Variants in TTL observed in about 807,000 individuals in gnomAD.
TTL encodes tubulin tyrosine ligase.
Under a neutral mutation model 41.1 loss-of-function variants are expected in TTL, and 10 were observed. That is an observed-to-expected ratio of 0.24 (90% CI 0.15 to 0.41). TTL has a LOEUF of 0.41. TTL is among the 10% of genes least tolerant of loss of function. The pLI is 1.00. For missense variants in TTL, 367 were observed against 460.4 expected (o/e 0.80, Z 1.86); for synonymous variants, 175 against 175.5 (o/e 1.00, Z 0.02).
At chr2:112,502,585 C>T (rs1241669598) in intron 4 of TTL, among the ~76,000 whole-genome samples, 6 of 149,120 alleles carry the variant, frequency 4.0e-5, no homozygotes, top group Non-Finnish European at 5.9e-5. Context: ...TGCAGTGAGC[C>T]GAGATCACAC....
In TTL at chr2:112,538,514, C is replaced by G. The variant is rs1682640240; in HGVS notation, c.*9719C>G. The G allele has an allele frequency of 6.6e-6, 1 of 152,218 alleles. No individual in the cohort carries two copies. The highest frequency in any genetic ancestry group is 2.1e-4 in the South Asian group (1 of 4,830). 9.4% of individuals were successfully genotyped at this position (152,218 alleles called of 1,614,324 possible). ...AAGCTAGGCTGAGCACGGTGGCTCACTCCTATAATCTCAGCACTTTTAGGA... is the reference window on the plus strand; with the variant it reads ...AAGCTAGGCTGAGCACGGTGGCTCAGTCCTATAATCTCAGCACTTTTAGGA... On this transcript the variant is annotated 3_prime_UTR_variant, in exon 7 of 7. Coordinates refer to ENST00000233336, the MANE Select transcript of TTL (RefSeq NM_153712.5).
chr2:112,527,628 T>C (rs1177837009), intron 6 of TTL, among the ~76,000 whole-genome samples: 1 of 152,236 alleles, frequency 6.6e-6, no homozygotes, highest in East Asian at 1.9e-4. Flanking sequence ...GAGACTAGGA[T>C]TGCAACCCCT....
chr2:112,493,355 T>TAAA (rs75154140), intron 2 of TTL, among the ~76,000 whole-genome samples: 1 of 143,100 alleles, frequency 7.0e-6, no homozygotes. Context: ...CTTGAGCTGT[T>TAAA]AAAAAAAAAA....
At chr2:112,487,603 A>G (rs1681274285) in intron 2 of TTL, among the ~76,000 whole-genome samples, 1 of 152,212 alleles carries the variant, frequency 6.6e-6, no homozygotes, top group African/African-American at 2.4e-5. Context: ...TGTGATAAAT[A>G]TCTGTGACCT....
intron 5 of TTL, among the ~76,000 whole-genome samples, chr2:112,514,734 C>T (rs563417106): frequency 2.6e-5 from 4 of 152,200 alleles, no homozygotes; most frequent in East Asian, 1.9e-4. Flanking sequence ...CTTCTTGCAC[C>T]GTGGCTTGAT....
chr2:112,517,156 CAAAAAAAAAA>C (rs33990458), intron 5 of TTL, among the ~76,000 whole-genome samples: 1 of 105,606 alleles, frequency 9.5e-6, no homozygotes, highest in Non-Finnish European at 2.0e-5. Flanking sequence ...GAGCTTTCAG[CAAAAAAAAAA>C]AAAAAAAAAA....
chr2:112,521,120 G>T (rs944644227), intron 6 of TTL: 7 of 956,086 alleles, frequency 7.3e-6, no homozygotes, highest in Non-Finnish European at 8.7e-6. Flanking sequence ...TGGAGCTGGG[G>T]TGCAAGAAAA....
rs1681122057 is a variant in TTL, at chr2:112,482,597, T to C, written c.157+96T>C. 1.5e-6 allele frequency: 2 copies of C among 1,347,386 alleles called. No homozygotes were observed. The highest frequency in any genetic ancestry group is 2.0e-6 in the Non-Finnish European group (2 of 1,014,128). The allele number at this position is 1,347,386 out of a possible 1,614,324, so 83.5% of individuals were successfully genotyped here. A position where few individuals can be genotyped will look rare whatever the true frequency, so the allele number is the denominator to read the frequency against. On this transcript the variant is annotated intron_variant, in intron 1 of 6. Transcript: ENST00000233336. This position sits in a 1 kb window ranked among gnomAD's most constrained non-coding sequence, Gnocchi z 5.3. ...CCGGCGCTTTTGTTTTTAAAGGTCA[T>C]ACATTTTCTCCTCTGTCGCTTGTCG...
rs1033155186 is a variant in TTL at position 112,523,334 on chromosome 2, G to A, written c.1019+2909G>A. Among the ~76,000 whole-genome samples, 4 of 97,562 alleles carry A rather than the reference G, an allele frequency of 4.1e-5. No homozygotes were observed. The East Asian group carries it at 9.6e-4, about 23-fold the overall frequency. 64.0% of individuals were successfully genotyped at this position (97,562 alleles called of 152,430 possible). On this transcript the variant is annotated intron_variant, in intron 6 of 6. Coordinates refer to ENST00000233336, the MANE Select transcript of TTL (RefSeq NM_153712.5). The stretch of plus-strand genomic sequence containing the variant: ...ATTAACTCATCAGAAGAAACTGTCT[G>A]TGGGTGTGTGTGTGTCTGTGTGTGT...
intron 2 of TTL, among the ~76,000 whole-genome samples, chr2:112,492,069 A>G (rs905161217): frequency 1.3e-5 from 2 of 152,196 alleles, no homozygotes; most frequent in African/African-American, 4.8e-5. Context: ...CATAGTAAAC[A>G]TATCATAATG....
At chr2:112,514,995 T>C (rs1682026515) in intron 5 of TTL, among the ~76,000 whole-genome samples, 1 of 152,248 alleles carries the variant, frequency 6.6e-6, no homozygotes, top group African/African-American at 2.4e-5. Context: ...GGTAAAAGCT[T>C]TTAAAAGCTG....
At chr2:112,510,373 C>T (rs1681890770) in intron 5 of TTL, among the ~76,000 whole-genome samples, 1 of 152,212 alleles carries the variant, frequency 6.6e-6, no homozygotes, top group African/African-American at 2.4e-5. Flanking sequence ...AAGCAGCCCT[C>T]CCATCTTGAT....
At chr2:112,519,315 C>T (rs1273286097) in intron 5 of TTL, among the ~76,000 whole-genome samples, 1 of 152,140 alleles carries the variant, frequency 6.6e-6, no homozygotes, top group Non-Finnish European at 1.5e-5. Context: ...ACTGAACAAT[C>T]ACTTGTTCAA....
rs375794092 is a variant in TTL at position 112,482,419 on chromosome 2, C to T, written c.75C>T (p.Gly25=). 1.2e-5 allele frequency: 20 copies of T among 1,609,588 alleles called. No individual in the cohort carries two copies. In the African/African-American group the frequency reaches 2.7e-4, roughly 22 times the overall value. Residue 25 remains glycine, a synonymous_variant, in exon 1 of 7, where the codon GGC becomes GGT. Transcript: ENST00000233336. The surrounding 1 kb of genome is among the most constrained non-coding windows in gnomAD (Gnocchi z 5.3). ...TCTCCCGGCTGCTCCTCGCCACCGG[C>T]CACTGGAAGAGGCTGCGGCGAGACA... The part of the protein sequence containing the change: ...AEVSRLLLAT[G]HWKRLRRDNP...
At chr2:112,526,442 T>C (rs1449512036) in intron 6 of TTL, among the ~76,000 whole-genome samples, 1 of 152,218 alleles carries the variant, frequency 6.6e-6, no homozygotes, top group Non-Finnish European at 1.5e-5. Context: ...TGGTAGGCTA[T>C]TAATTATTGC....
At chr2:112,520,186 G>T (rs1305230193) in intron 5 of TTL, 96 bp from the exon 6 acceptor site, 113 of 1,052,172 alleles carry the variant, frequency 1.1e-4, no homozygotes, top group Middle Eastern at 2.2e-4. Flanking sequence ...GCTGATATTT[G>T]TATTCATCTC....
At chr2:112,503,639 G>A (rs1337303361) in intron 5 of TTL, among the ~76,000 whole-genome samples, 3 of 143,086 alleles carry the variant, frequency 2.1e-5, no homozygotes, top group African/African-American at 7.7e-5. Context: ...CTCCATGTTG[G>A]TCAGTCTGGT....
chr2:112,497,704 G>T (rs1161622255), intron 3 of TTL, among the ~76,000 whole-genome samples: 2 of 151,782 alleles, frequency 1.3e-5, no homozygotes, highest in African/African-American at 4.8e-5. Context: ...TCGAACAAGT[G>T]ACAGGAAGAA....
At chr2:112,524,527 G>T (rs1682324238) in intron 6 of TTL, among the ~76,000 whole-genome samples, 1 of 152,130 alleles carries the variant, frequency 6.6e-6, no homozygotes, top group African/African-American at 2.4e-5. Flanking sequence ...GTTTTGATTT[G>T]CATTTCTCTG....
Sources: gnomAD v4.1 joint callset for allele counts (sites outside exome capture counted in the v4.1 genomes callset) on GRCh38, gnomAD v4.1.1 for gene constraint, Gnocchi (gnomAD v3.1) non-coding constraint, MANE v1.5 for transcripts, NCBI Gene and HGNC (gene_info 2026-07-23, HGNC 2026-07-21) for gene names.